RAB27B: variants seen among roughly 807,000 people sequenced by gnomAD.
RAB27B encodes RAB27B, member RAS oncogene family, also known as ras-related protein Rab-27B.
A neutral mutation model predicts 24.6 loss-of-function variants in RAB27B; 15 were observed. The ratio of observed to expected loss-of-function variants is 0.61; its 90% CI spans 0.41 to 0.94. The LOEUF (loss-of-function observed/expected upper bound fraction) is 0.94, where lower values mean the gene tolerates loss of function less well. Ranked by LOEUF, RAB27B falls within the 40% of genes least tolerant of loss-of-function variation. The probability of loss-of-function intolerance (pLI) is 0.00; values close to 1 mark genes in which losing one functional copy is unlikely to be tolerated. For synonymous variants in RAB27B, 105 were observed against 92.5 expected (o/e 1.14, Z -0.78); for missense variants, 261 against 266.8 (o/e 0.98, Z 0.15).
chr18:54,805,605 C>T (rs180988184), intron 2 of RAB27B, among the ~76,000 whole-genome samples: 46 of 152,216 alleles, frequency 3.0e-4, no homozygotes, highest in African/African-American at 1.1e-3. Context: ...GACTACGATC[C>T]AGTAGTGTTG....
chr18:54,745,131 C>T lies in RAB27B; in HGVS notation c.-20+26990C>T, dbSNP rs114940133. ...TCTGCTGGTGGTTACCGATCCCAGC[C>T]TCTCACACAGGCATCTTACACTAAC... On this transcript the variant is annotated intron_variant, in intron 2 of 4. Transcript: ENST00000586570. 6.4e-3 allele frequency: 1,050 copies of T among 163,804 alleles called. 10 individuals are homozygous for T. Among genetic ancestry groups the T allele is most frequent in the African/African-American group, 0.023 (941 of 41,706 alleles). The allele number at this position is 163,804 out of a possible 1,614,324, so 10.1% of individuals were successfully genotyped here. A position where few individuals can be genotyped will look rare whatever the true frequency, so the allele number is the denominator to read the frequency against.
intron 2 of RAB27B, among the ~76,000 whole-genome samples, chr18:54,798,852 CA>C (rs1160511687): frequency 1.3e-5 from 2 of 152,108 alleles, no homozygotes; most frequent in Non-Finnish European, 2.9e-5. Flanking sequence ...CTTATAAATT[CA>C]AAAGAATAAT....
chr18:54,718,632 C>G (rs1909264003), intron 2 of RAB27B, among the ~76,000 whole-genome samples: 1 of 152,090 alleles, frequency 6.6e-6, no homozygotes. Context: ...TAACCATATA[C>G]CATATACTTT....
At chr18:54,752,328 A>G (rs1907859356) in intron 2 of RAB27B, among the ~76,000 whole-genome samples, 1 of 152,158 alleles carries the variant, frequency 6.6e-6, no homozygotes, top group African/African-American at 2.4e-5. Flanking sequence ...TTTATTAAAG[A>G]CCGATGAAAC....
At chr18:54,823,729 C>T (rs983457311), upstream of RAB27B, among the ~76,000 whole-genome samples, 1 of 152,126 alleles carries the variant, frequency 6.6e-6, no homozygotes, top group Non-Finnish European at 1.5e-5. Flanking sequence ...TTCTCCACTG[C>T]TTATAGATCA....
At chr18:54,780,142 A>C (rs1598898715) in intron 2 of RAB27B, among the ~76,000 whole-genome samples, 5 of 118,352 alleles carry the variant, frequency 4.2e-5, no homozygotes, top group South Asian at 3.0e-4. Flanking sequence ...CTTCCCCCTC[A>C]CCCTGTCTCC....
At chr18:54,809,032 A>G (rs751765087) in intron 2 of RAB27B, among the ~76,000 whole-genome samples, 4 of 152,198 alleles carry the variant, frequency 2.6e-5, no homozygotes, top group Non-Finnish European at 5.9e-5. Flanking sequence ...TACATGATCA[A>G]TTCTTTGGTT....
chr18:54,841,154 C>CGGGCG (rs1265299623), intron 1 of RAB27B, among the ~76,000 whole-genome samples: 234 of 8,534 alleles, frequency 0.027, 20 homozygotes, highest in South Asian at 0.13. Flanking sequence ...CTTTGGGTGG[C>CGGGCG]GGGGCGGTGG....
upstream of RAB27B, among the ~76,000 whole-genome samples, chr18:54,823,654 T>A (rs1374045168): frequency 6.6e-6 from 1 of 152,242 alleles, no homozygotes; most frequent in Non-Finnish European, 1.5e-5. Context: ...AATAAATGTT[T>A]GTTGAATGAA....
intron 2 of RAB27B, among the ~76,000 whole-genome samples, chr18:54,735,618 T>C (rs762007153): frequency 2.6e-5 from 4 of 152,190 alleles, no homozygotes; most frequent in Non-Finnish European, 5.9e-5. Context: ...GTTCAAGCAA[T>C]TCTTCTGCTG....
rs947911795 is a variant in RAB27B, at chr18:54,764,532, G to A, written c.-20+46391G>A. 5.3e-5 allele frequency among the ~76,000 whole-genome samples: 8 copies of A among 152,108 alleles called. No homozygotes were observed. The East Asian group carries it at 1.5e-3, about 29-fold the overall frequency. ...CTCATTTGGGAAATAGGCTAAGATG[G>A]GAGAGTAGCTCTTTGAGTAGTTGTC... On this transcript the variant is annotated intron_variant, in intron 2 of 4. Coordinates refer to the RAB27B transcript ENST00000586570.
intron 2 of RAB27B, among the ~76,000 whole-genome samples, chr18:54,814,514 A>G (rs540250659): frequency 1.3e-5 from 2 of 152,248 alleles, no homozygotes; most frequent in South Asian, 4.1e-4. Context: ...TAGTGATCCC[A>G]CTGTATCTGA....
At chr18:54,741,672 T>C (rs923729203) in intron 2 of RAB27B, among the ~76,000 whole-genome samples, 1 of 152,040 alleles carries the variant, frequency 6.6e-6, no homozygotes, top group African/African-American at 2.4e-5. Flanking sequence ...TTTTTGTTTG[T>C]TTGTATTTTT....
intron 2 of RAB27B, among the ~76,000 whole-genome samples, chr18:54,747,295 C>T (rs188166015): frequency 6.8e-4 from 103 of 152,296 alleles, no homozygotes; most frequent in Middle Eastern, 3.4e-3. Flanking sequence ...CAATGTCTCA[C>T]TCTCCATATT....
chr18:54,857,542 A>T (rs1911833895), intron 1 of RAB27B, among the ~76,000 whole-genome samples: 1 of 152,262 alleles, frequency 6.6e-6, no homozygotes, highest in Non-Finnish European at 1.5e-5. Flanking sequence ...GGCTTACTCC[A>T]TAAACATTCA....
intron 1 of RAB27B, among the ~76,000 whole-genome samples, chr18:54,835,226 G>A (rs547697165): frequency 3.3e-5 from 5 of 151,954 alleles, no homozygotes; most frequent in South Asian, 2.1e-4. Context: ...AAGTAGACAC[G>A]TTTTCTAATA....
intron 2 of RAB27B, among the ~76,000 whole-genome samples, chr18:54,789,565 T>A (rs1909187531): frequency 6.6e-6 from 1 of 152,142 alleles, no homozygotes; most frequent in South Asian, 2.1e-4. Context: ...GTTTCATATG[T>A]CTTACCTCTA....
rs1212501618 is a variant in RAB27B, at chr18:54,780,079, T to C, written c.-20+61938T>C. On this transcript the variant is annotated intron_variant, in intron 2 of 4. Coordinates refer to the RAB27B transcript ENST00000586570. Reference sequence around the variant, plus strand: ...TCCTGACAGCTTCTCCCTCACCGCGTCTCCGCCCGTCCTGACAGCTTCCCC... The same window carrying C: ...TCCTGACAGCTTCTCCCTCACCGCGCCTCCGCCCGTCCTGACAGCTTCCCC... Among the ~76,000 whole-genome samples the C allele has an allele frequency of 1.6e-5, 2 of 126,444 alleles. 1 individual carries two copies. Among genetic ancestry groups the C allele is most frequent in the Non-Finnish European group, 3.3e-5 (2 of 61,490 alleles). 83.0% of individuals were successfully genotyped at this position (126,444 alleles called of 152,430 possible). A position where few individuals can be genotyped will look rare whatever the true frequency, so the allele number is the denominator to read the frequency against.
At chr18:54,876,792 A>T (rs1441371205) in intron 1 of RAB27B, among the ~76,000 whole-genome samples, 2 of 152,138 alleles carry the variant, frequency 1.3e-5, no homozygotes, top group African/African-American at 2.4e-5. Flanking sequence ...TTATTCCATT[A>T]TCTGTCTATA....
Sources: gnomAD v4.1 joint callset for allele counts (sites outside exome capture counted in the v4.1 genomes callset) on GRCh38, gnomAD v4.1.1 for gene constraint, MANE v1.5 for transcripts, NCBI Gene and HGNC (gene_info 2026-07-23, HGNC 2026-07-21) for gene names.